OMG: variants seen among roughly 807,000 people sequenced by gnomAD.
OMG encodes oligodendrocyte-myelin glycoprotein.
A neutral mutation model predicts 26.2 loss-of-function variants in OMG; 9 were observed. That is an observed-to-expected ratio of 0.34 (90% CI 0.21 to 0.60). OMG has a LOEUF of 0.60. OMG is among the 20% of genes least tolerant of loss of function. The probability of loss-of-function intolerance (pLI) is 0.80; values close to 1 mark genes in which losing one functional copy is unlikely to be tolerated. For missense variants in OMG, 402 were observed against 513.6 expected (o/e 0.78, Z 2.10); for synonymous variants, 179 against 190.4 (o/e 0.94, Z 0.49).
Position 31,296,218 on chromosome 17 carries a change from A to G in OMG, c.114T>C (p.His38=), listed in dbSNP as rs751022857. 6.8e-6 allele frequency: 11 copies of G among 1,614,026 alleles called. No individual in the cohort carries two copies. The African/African-American group carries it at 1.3e-4, about 20-fold the overall frequency. ...ACAAGTTTCTGCCTGAACAGTCCAC[A>G]TGCCTGTGCCTCTCTGTGCATATAC... is the stretch of plus-strand genomic sequence containing the variant. ...LQCICTERHR[H]VDCSGRNLST... The change falls in exon 2 of 2, where the codon CAT becomes CAC. Residue 38 remains histidine, a synonymous_variant. Coordinates refer to ENST00000247271, the MANE Select transcript of OMG (RefSeq NM_002544.5).
At chr17:31,296,990 G>C (rs1239263101) in intron 1 of OMG, 166 bp downstream of exon 1, 1 of 152,210 alleles carries the variant, frequency 6.6e-6, no homozygotes, top group Non-Finnish European at 1.5e-5. Context: ...TATATTTACA[G>C]AGTGACTGAA....
chr17:31,296,940 TC>T (rs1268609942), intron 1 of OMG: 4 of 153,236 alleles, frequency 2.6e-5, no homozygotes, highest in African/African-American at 9.7e-5. Context: ...GTGATTTTTT[TC>T]TGTATATTTC....
intron 1 of OMG, 75 bp from the exon 2 acceptor site, chr17:31,296,412 A>G: frequency 6.7e-7 from 1 of 1,486,848 alleles, no homozygotes; most frequent in Non-Finnish European, 9.4e-7. Context: ...AGTTAGCATT[A>G]GGCAAAATTT....
At position 31,295,476 on chromosome 17, in the gene OMG, C is replaced by T. The variant is rs758335988; in HGVS notation, c.856G>A (p.Val286Met). 4 of 1,614,166 alleles carry T rather than the reference C, an allele frequency of 2.5e-6. No individual in the cohort carries two copies. The South Asian group carries it at 3.3e-5, about 13-fold the overall frequency. The stretch of plus-strand genomic sequence containing the variant: ...ACACTCAGAGAGTTAATGGTGTCCA[C>T]TGTCTGCATCCCACTTACAGTGAAT... ...SLFTVSGMQT[V>M]DTINSLSVVT... The change falls in exon 2 of 2, where the codon GTG becomes ATG. Residue 286 changes from valine (V) to methionine (M), a missense_variant. Physicochemically the swap from Val to Met is conservative, Grantham distance 21. Transcript: ENST00000247271.
Position 31,296,244 on chromosome 17 carries a change from A to G in OMG, c.88T>C (p.Cys30Arg). 2 of 1,614,138 alleles carry G rather than the reference A, an allele frequency of 1.2e-6. No individual in the cohort carries two copies. The highest frequency in any genetic ancestry group is 1.7e-6 in the Non-Finnish European group (2 of 1,179,978). Residue 30 changes from cysteine (C) to arginine (R), a missense_variant, in exon 2 of 2, where the codon TGT becomes CGT. Transcript: ENST00000247271. Reference sequence around the variant, plus strand: ...TGCCTGTGCCTCTCTGTGCATATACATTGGAGAGGACAAATGCATAAAATA... The same window carrying G: ...TGCCTGTGCCTCTCTGTGCATATACGTTGGAGAGGACAAATGCATAAAATA... Reference protein sequence around the residue: ...PGILCICPLQCICTERHRHVD... With the variant: ...PGILCICPLQRICTERHRHVD...
At chr17:31,297,049 T>C (rs554822538) in intron 1 of OMG, 107 bp downstream of exon 1, 2 of 152,356 alleles carry the variant, frequency 1.3e-5, no homozygotes, top group South Asian at 4.1e-4. Flanking sequence ...TTCTGGTGCA[T>C]GCACTTGCTA....
rs770540258 is a variant in OMG, at chr17:31,295,861, T to G, written c.471A>C (p.Lys157Asn). The G allele has an allele frequency of 6.2e-6, 10 of 1,614,046 alleles. No homozygotes were observed. Among genetic ancestry groups the G allele is most frequent in the Non-Finnish European group, 7.6e-6 (9 of 1,180,014 alleles). The change falls in exon 2 of 2, where the codon AAA becomes AAC. Residue 157 changes from lysine to asparagine, a missense_variant. By Grantham distance (94) the Lys-to-Asn change is moderately conservative. This residue lies in a region of OMG where 90 missense variants were observed against 158.9 expected (regional missense o/e 0.57). Transcript: ENST00000247271. ...GCATGTTGGTTGGAACTGTCCAAAG[T>G]TTGTTACTACTGAGGTTGAGAACCT... ...SLEVLNLSSN[K>N]LWTVPTNMPS...
chr17:31,295,147 T>C lies in OMG; in HGVS notation c.1185A>G (p.Gln395=). The C allele has an allele frequency of 6.2e-7, 1 of 1,614,204 alleles. No homozygotes were observed. The highest frequency in any genetic ancestry group is 1.6e-4 in the Middle Eastern group (1 of 6,062). The change falls in exon 2 of 2, where the codon CAA becomes CAG. Residue 395 remains glutamine (Q), a synonymous_variant. Coordinates refer to ENST00000247271, the MANE Select transcript of OMG (RefSeq NM_002544.5). ...GMPNNFSEMP[Q]QSTTLNLWRE... ...TCCATAAGTTAAGGGTTGTGCTTTG[T>C]TGAGGCATTTCAGAGAAATTATTTG...
rs778744916 is a variant in OMG at position 31,295,750 on chromosome 17, T to C, written c.582A>G (p.Thr194=). The part of the protein sequence containing the change: ...PGTLINLTNL[T]HLYLHNNKFT... ...ACTTATTGTTGTGCAGGTAAAGATGTGTGAGATTTGTCAGGTTTATTAATG... is the reference window on the plus strand; with the variant it reads ...ACTTATTGTTGTGCAGGTAAAGATGCGTGAGATTTGTCAGGTTTATTAATG... Residue 194 remains threonine, a synonymous_variant, in exon 2 of 2, where the codon ACA becomes ACG. Coordinates refer to ENST00000247271, the MANE Select transcript of OMG (RefSeq NM_002544.5). 1.2e-6 allele frequency: 2 copies of C among 1,614,146 alleles called. No individual in the cohort carries two copies. Among genetic ancestry groups the C allele is most frequent in the Non-Finnish European group, 1.7e-6 (2 of 1,180,012 alleles).
rs1469779067 is a variant in OMG at position 31,297,161 on chromosome 17, T to C, written c.-12A>G. Reference sequence around the variant, plus strand: ...TGATTTAAATAACATCTTACCGTGGTGTCGTCTTCAACATCAGCATCTCAT... The same window carrying C: ...TGATTTAAATAACATCTTACCGTGGCGTCGTCTTCAACATCAGCATCTCAT... On this transcript the variant is annotated 5_prime_UTR_variant, in exon 1 of 2. Transcript: ENST00000247271. The C allele has an allele frequency of 6.6e-6, 1 of 152,218 alleles. No individual in the cohort carries two copies. The highest frequency in any genetic ancestry group is 1.5e-5 in the Non-Finnish European group (1 of 68,034). The allele number at this position is 152,218 out of a possible 1,614,324, so 9.4% of individuals were successfully genotyped here. A position where few individuals can be genotyped will look rare whatever the true frequency, so the allele number is the denominator to read the frequency against.
chr17:31,296,366 T>C (rs772046643), intron 1 of OMG, 29 bp from the exon 2 acceptor site: 35 of 1,612,932 alleles, frequency 2.2e-5, no homozygotes, highest in Non-Finnish European at 2.6e-5. Context: ...ACCCTTCTTT[T>C]AATATGCAAA....
At chr17:31,296,645 A>G in intron 1 of OMG, 1 of 327,976 alleles carries the variant, frequency 3.0e-6, no homozygotes, top group Non-Finnish European at 5.8e-6. Flanking sequence ...GAGCCTTAAT[A>G]TGATAAAATA....
intron 1 of OMG, 142 bp from the exon 2 acceptor site, chr17:31,296,479 C>G: frequency 1.3e-6 from 1 of 766,592 alleles, no homozygotes; most frequent in South Asian, 1.5e-5. Context: ...ATTAAACTAA[C>G]AAAGCTCCCC....
rs200332288 is a variant in OMG, at chr17:31,295,393, C to T, written c.939G>A (p.Thr313=). 36 of 1,614,068 alleles carry T rather than the reference C, an allele frequency of 2.2e-5. No individual in the cohort carries two copies. The highest frequency in any genetic ancestry group is 1.6e-4 in the Middle Eastern group (1 of 6,062). The change falls in exon 2 of 2, where the codon ACG becomes ACA. Residue 313 remains threonine (T), a synonymous_variant. Coordinates refer to ENST00000247271, the MANE Select transcript of OMG (RefSeq NM_002544.5). ...IPKQYRTKET[T]FGATLSKDTT... is the part of the protein sequence containing the mutation. Reference sequence around the variant, plus strand: ...TGTCTTTGCTTAGAGTGGCACCAAACGTTGTTTCCTTTGTTCGATATTGTT... The same window carrying T: ...TGTCTTTGCTTAGAGTGGCACCAAATGTTGTTTCCTTTGTTCGATATTGTT...
In OMG at chr17:31,296,068, G is replaced by A. The variant is rs2068458062; in HGVS notation, c.264C>T (p.Asn88=). The A allele has an allele frequency of 6.2e-7, 1 of 1,613,902 alleles. No individual in the cohort carries two copies. The highest frequency in any genetic ancestry group is 1.3e-5 in the African/African-American group (1 of 75,022). ...AGTGAGCAGGCAGGCTTTCAAGCCT[G>A]TTGTTTGAAATGTCCAGGGTCCTCA... ...TNLRTLDISN[N]RLESLPAHLP... The change falls in exon 2 of 2, where the codon AAC becomes AAT. Residue 88 remains asparagine, a synonymous_variant. Transcript: ENST00000247271.
At chr17:31,296,456 A>C (rs2068467308) in intron 1 of OMG, 119 bp from the exon 2 acceptor site, 1 of 925,936 alleles carries the variant, frequency 1.1e-6, no homozygotes, top group Non-Finnish European at 1.8e-6. Flanking sequence ...GTCCTTTTAT[A>C]ATTGTTCCAG....
Position 31,295,730 on chromosome 17 carries a change from T to C in OMG, c.602A>G (p.Asn201Ser). The C allele has an allele frequency of 1.2e-6, 2 of 1,614,180 alleles. No individual in the cohort carries two copies. Among genetic ancestry groups the C allele is most frequent in the Non-Finnish European group, 8.5e-7 (1 of 1,180,010 alleles). Residue 201 changes from asparagine to serine, a missense_variant, in exon 2 of 2, where the codon AAT becomes AGT. Asn to Ser is a conservative substitution (Grantham distance 46). Around this residue, in one of 3 missense-constraint regions of OMG, gnomAD observed 90 missense variants for 158.9 expected, o/e 0.57. Transcript: ENST00000247271. ...TTGGTCTGGAATGAATGTGAACTTA[T>C]TGTTGTGCAGGTAAAGATGTGTGAG... ...TNLTHLYLHN[N>S]KFTFIPDQSF...
In OMG at chr17:31,295,235, C is replaced by T. The variant is rs749430775; in HGVS notation, c.1097G>A (p.Ser366Asn). The T allele has an allele frequency of 6.2e-7, 1 of 1,613,962 alleles. No individual in the cohort carries two copies. Among genetic ancestry groups the T allele is most frequent in the South Asian group, 1.1e-5 (1 of 91,054 alleles). Reference sequence around the variant, plus strand: ...GGATGATTTTGTTGAGCTAGTGAGGCTTGTGTTTGTGACCATTCCATCTTG... The same window carrying T: ...GGATGATTTTGTTGAGCTAGTGAGGTTTGTGTTTGTGACCATTCCATCTTG... ...HLQDGMVTNT[S>N]LTSSTKSSPT... The change falls in exon 2 of 2, where the codon AGC (serine) becomes AAC (asparagine). Residue 366 changes from serine (S) to asparagine (N), a missense_variant. Coordinates refer to ENST00000247271, the MANE Select transcript of OMG (RefSeq NM_002544.5).
Position 31,295,319 on chromosome 17 carries a change from G to A in OMG, c.1013C>T (p.Thr338Ile), listed in dbSNP as rs1364799564. The A allele has an allele frequency of 6.2e-7, 1 of 1,614,152 alleles. No homozygotes were observed. Among genetic ancestry groups the A allele is most frequent in the Non-Finnish European group, 8.5e-7 (1 of 1,180,018 alleles). Residue 338 changes from threonine to isoleucine, a missense_variant, in exon 2 of 2, where the codon ACA becomes ATA. By Grantham distance (89) the Thr-to-Ile change is moderately conservative. This residue lies in a region of OMG where 247 missense variants were observed against 274.7 expected (regional missense o/e 0.90). Coordinates refer to ENST00000247271, the MANE Select transcript of OMG (RefSeq NM_002544.5). ...ATGTGAATTGATAGTCTCTGTGGAT[G>A]TATCTTCTGGATAGGGCACAAAAGC... The part of the protein sequence containing the change: ...DKAFVPYPED[T>I]STETINSHEA...
Sources: allele counts gnomAD v4.1 joint callset, GRCh38; gene constraint gnomAD v4.1.1; regional missense constraint gnomAD v4.1.1; transcripts MANE v1.5; gene names NCBI Gene and HGNC (gene_info 2026-07-23, HGNC 2026-07-21).